CDH12: variants seen among roughly 807,000 people sequenced by gnomAD.
CDH12 encodes the protein cadherin 12.
CDH12 carries 41 observed loss-of-function variants against 74.1 expected under a neutral mutation model. The ratio of observed to expected loss-of-function variants is 0.55; its 90% CI spans 0.43 to 0.72. The LOEUF (loss-of-function observed/expected upper bound fraction) is 0.72, where lower values mean the gene tolerates loss of function less well. Ranked by LOEUF, CDH12 falls within the 30% of genes least tolerant of loss-of-function variation. The probability of loss-of-function intolerance (pLI) is 0.00; values close to 1 mark genes in which losing one functional copy is unlikely to be tolerated. For missense variants in CDH12, 945 were observed against 977.2 expected (o/e 0.97, Z 0.44); for synonymous variants, 399 against 355.0 (o/e 1.12, Z -1.39).
intron 1 of CDH12, among the ~76,000 whole-genome samples, chr5:22,518,819 T>G (rs1736918670): frequency 6.6e-6 from 1 of 152,112 alleles, no homozygotes; most frequent in African/African-American, 2.4e-5. Context: ...AAGCTGTGGG[T>G]AGTGTGTATC....
At chr5:22,048,212 C>CT (rs1451680551) in intron 5 of CDH12, among the ~76,000 whole-genome samples, 1 of 152,146 alleles carries the variant, frequency 6.6e-6, no homozygotes, top group African/African-American at 2.4e-5. Context: ...TAAACTAACT[C>CT]TATCTATTGC....
intron 6 of CDH12, among the ~76,000 whole-genome samples, chr5:21,914,519 A>G (rs116038763): frequency 1.5e-3 from 232 of 152,266 alleles, no homozygotes; most frequent in Non-Finnish European, 2.5e-3. Flanking sequence ...CCATACAAAG[A>G]GAGAGAGATG....
intron 1 of CDH12, among the ~76,000 whole-genome samples, chr5:22,551,770 A>G (rs1248907547): frequency 6.8e-6 from 1 of 147,024 alleles, no homozygotes; most frequent in Admixed American, 7.5e-5. Context: ...ATTTAAAATA[A>G]CAGCTGTGCA....
intron 4 of CDH12, among the ~76,000 whole-genome samples, chr5:22,153,536 G>A (rs1254690120): frequency 6.6e-6 from 1 of 150,892 alleles, no homozygotes; most frequent in Admixed American, 6.7e-5. Context: ...TTTGTATTTT[G>A]GATTTGAAAC....
At chr5:21,970,862 A>G (rs1489203506) in intron 6 of CDH12, among the ~76,000 whole-genome samples, 11 of 144,758 alleles carry the variant, frequency 7.6e-5, no homozygotes, top group African/African-American at 2.0e-4. Flanking sequence ...AAAAAAAAAA[A>G]AAAAAAAAAA....
intron 1 of CDH12, among the ~76,000 whole-genome samples, chr5:22,692,489 T>C (rs1742134539): frequency 6.6e-6 from 1 of 151,866 alleles, no homozygotes; most frequent in South Asian, 2.1e-4. Flanking sequence ...TGAGCGGGAA[T>C]GTTAGGTGCA....
intron 1 of CDH12, among the ~76,000 whole-genome samples, chr5:22,829,760 T>G (rs1736499445): frequency 6.6e-6 from 1 of 152,218 alleles, no homozygotes; most frequent in Admixed American, 6.5e-5. Context: ...ACCTTACTCT[T>G]GCTGACCAGA....
At chr5:22,191,946 G>C (rs1404753832) in intron 4 of CDH12, among the ~76,000 whole-genome samples, 6 of 150,780 alleles carry the variant, frequency 4.0e-5, no homozygotes, top group Admixed American at 4.0e-4. Context: ...TTGTTTGTCT[G>C]TTTGTTTGAG....
chr5:21,937,764 A>T (rs1204256611), intron 6 of CDH12, among the ~76,000 whole-genome samples: 5 of 152,148 alleles, frequency 3.3e-5, no homozygotes, highest in Non-Finnish European at 7.4e-5. Context: ...TGGCAGTTTC[A>T]GTAAGGGCTG....
intron 6 of CDH12, chr5:21,889,751 CT>C: frequency 1.0e-6 from 1 of 985,022 alleles, no homozygotes. Flanking sequence ...TGCTTTCTTT[CT>C]TTCTGCTGTA....
intron 3 of CDH12, among the ~76,000 whole-genome samples, chr5:22,312,420 C>T (rs1738433718): frequency 6.6e-6 from 1 of 152,028 alleles, no homozygotes; most frequent in Admixed American, 6.6e-5. Context: ...ACCCTTTTGG[C>T]TTTCTTTTAA....
intron 6 of CDH12, among the ~76,000 whole-genome samples, chr5:21,919,044 G>C (rs1296909008): frequency 6.6e-6 from 1 of 151,990 alleles, no homozygotes; most frequent in Non-Finnish European, 1.5e-5. Flanking sequence ...CCTTTTAAAT[G>C]TCAAATTTGA....
chr5:21,923,320 C>T (rs1754442742), intron 6 of CDH12, among the ~76,000 whole-genome samples: 1 of 152,026 alleles, frequency 6.6e-6, no homozygotes, highest in Non-Finnish European at 1.5e-5. Flanking sequence ...GAACAAGTTA[C>T]CCTGTCTCTC....
At chr5:22,158,059 TAAAATAGAGGGAGAGTAC>T (rs1748133146) in intron 4 of CDH12, among the ~76,000 whole-genome samples, 1 of 152,098 alleles carries the variant, frequency 6.6e-6, no homozygotes, top group African/African-American at 2.4e-5. Context: ...TCCTCATATA[TAAAATAGAGGGAGAGTAC>T]AACTTTAAAG....
At chr5:21,863,651 A>C (rs1056769397) in intron 6 of CDH12, among the ~76,000 whole-genome samples, 1 of 152,170 alleles carries the variant, frequency 6.6e-6, no homozygotes, top group Non-Finnish European at 1.5e-5. Flanking sequence ...AGTCATTTTC[A>C]ATACTAAATT....
At chr5:22,255,229 G>C (rs1200118016) in intron 3 of CDH12, among the ~76,000 whole-genome samples, 1 of 151,404 alleles carries the variant, frequency 6.6e-6, no homozygotes, top group African/African-American at 2.4e-5. Context: ...TTTTAATTGT[G>C]AAGACAAATA....
chr5:22,038,221 C>T (rs1467010185), intron 5 of CDH12, among the ~76,000 whole-genome samples: 1 of 152,164 alleles, frequency 6.6e-6, no homozygotes, highest in Non-Finnish European at 1.5e-5. Context: ...TGAGGTTTCA[C>T]TACAGCAGAA....
At chr5:22,373,036 T>G (rs559826747) in intron 3 of CDH12, among the ~76,000 whole-genome samples, 4 of 152,188 alleles carry the variant, frequency 2.6e-5, no homozygotes, top group Non-Finnish European at 4.4e-5. Flanking sequence ...TAAGCTTTCT[T>G]CAGGAGGCCT....
At chr5:21,924,562 A>C (rs1290528524) in intron 6 of CDH12, among the ~76,000 whole-genome samples, 1 of 143,300 alleles carries the variant, frequency 7.0e-6, no homozygotes, top group East Asian at 2.1e-4. Context: ...AAATAAATAA[A>C]TTACTAGCTT....
Sources: gnomAD v4.1 joint callset for allele counts (sites outside exome capture counted in the v4.1 genomes callset) on GRCh38, gnomAD v4.1.1 for gene constraint, MANE v1.5 for transcripts, NCBI Gene and HGNC (gene_info 2026-07-23, HGNC 2026-07-21) for gene names.